Variants in LPP observed in about 807,000 individuals in gnomAD.
The protein encoded by LPP is LIM domain containing preferred translocation partner in lipoma.
Under a neutral mutation model 60.4 loss-of-function variants are expected in LPP, and 38 were observed. The observed-to-expected ratio is 0.63, with a 90% CI of 0.49 to 0.83. LPP has a LOEUF of 0.83. Ranked by LOEUF, LPP falls within the 40% of genes least tolerant of loss-of-function variation. The pLI, the probability that LPP is intolerant of heterozygous loss-of-function variation, is 0.00. For missense variants in LPP, 902 were observed against 783.6 expected (o/e 1.15, Z -1.80); for synonymous variants, 328 against 290.8 (o/e 1.13, Z -1.30).
rs75513613 is a variant in LPP at position 188,779,202 on chromosome 3, C to T, written c.1410+18920C>T. Among the ~76,000 whole-genome samples, 1,452 of 152,036 alleles carry T rather than the reference C, an allele frequency of 9.6e-3. 13 individuals are homozygous for T. Among genetic ancestry groups the T allele is most frequent in the Middle Eastern group, 0.038 (11 of 292 alleles). ...ATTCTTGCAGTTTGGAGTAATTTGCCACCTCCCCTTCTGAAAAAGTACCTG... is the reference window on the plus strand; with the variant it reads ...ATTCTTGCAGTTTGGAGTAATTTGCTACCTCCCCTTCTGAAAAAGTACCTG... On this transcript the variant is annotated intron_variant, in intron 9 of 11. Coordinates refer to ENST00000617246, the MANE Select transcript of LPP (RefSeq NM_001375462.1).
intron 6 of LPP, among the ~76,000 whole-genome samples, chr3:188,528,210 G>A (rs938822096): frequency 2.8e-4 from 43 of 152,044 alleles, no homozygotes; most frequent in African/African-American, 1.0e-3. Context: ...TGTATTTTTA[G>A]TAGAGATGGG....
chr3:188,855,459 T>A (rs925838741), intron 9 of LPP, among the ~76,000 whole-genome samples: 15 of 152,148 alleles, frequency 9.9e-5, no homozygotes, highest in African/African-American at 3.6e-4. Context: ...AGCAACAGGA[T>A]AAAGAGACAG....
At chr3:188,482,819 T>G (rs1212401581) in intron 4 of LPP, among the ~76,000 whole-genome samples, 2 of 152,162 alleles carry the variant, frequency 1.3e-5, no homozygotes, top group Non-Finnish European at 2.9e-5. Flanking sequence ...TTATTGAACA[T>G]TTCTTATCCT....
At position 188,300,428 on chromosome 3, in the gene LPP, T is replaced by G. The variant is rs111669799; in HGVS notation, c.-66-41235T>G. On this transcript the variant is annotated intron_variant, in intron 2 of 11. Transcript: ENST00000617246. The stretch of plus-strand genomic sequence containing the variant: ...CTGCTTACCAAGAAAGGAACTTACT[T>G]TAAAACATGGCAGGCACACTTGGCC... 2.5e-4 allele frequency among the ~76,000 whole-genome samples: 38 copies of G among 151,674 alleles called. 1 individual carries two copies. The highest frequency in any genetic ancestry group is 9.0e-4 in the African/African-American group (37 of 41,240).
At chr3:188,815,469 A>G (rs1193833959) in intron 9 of LPP, among the ~76,000 whole-genome samples, 1 of 152,120 alleles carries the variant, frequency 6.6e-6, no homozygotes, top group Non-Finnish European at 1.5e-5. Context: ...TTAAAATAAT[A>G]TAAGCCTGGG....
At chr3:188,225,835 T>C (rs1717534654) in intron 2 of LPP, among the ~76,000 whole-genome samples, 2 of 152,172 alleles carry the variant, frequency 1.3e-5, no homozygotes, top group African/African-American at 2.4e-5. Context: ...AGCAATTGTA[T>C]TGCCTCCTTC....
At chr3:188,857,088 G>A (rs1440381580) in intron 9 of LPP, among the ~76,000 whole-genome samples, 8 of 152,134 alleles carry the variant, frequency 5.3e-5, no homozygotes, top group Non-Finnish European at 8.8e-5. Flanking sequence ...TGCCATCTGC[G>A]TCCTGGACTT....
chr3:188,421,166 T>G (rs1787697259), intron 4 of LPP, among the ~76,000 whole-genome samples: 1 of 152,204 alleles, frequency 6.6e-6, no homozygotes, highest in South Asian at 2.1e-4. Context: ...GCAACATGCT[T>G]TCTGTTCCTT....
At chr3:188,266,176 C>T (rs893360475) in intron 2 of LPP, among the ~76,000 whole-genome samples, 18 of 152,014 alleles carry the variant, frequency 1.2e-4, no homozygotes, top group Non-Finnish European at 2.1e-4. Context: ...TCACCACCCT[C>T]ACCAGCAGCA....
At chr3:188,573,652 C>A (rs1040570213) in intron 6 of LPP, among the ~76,000 whole-genome samples, 6 of 152,088 alleles carry the variant, frequency 3.9e-5, no homozygotes, top group African/African-American at 1.4e-4. Flanking sequence ...ACACAATTAC[C>A]AATACATTCT....
intron 2 of LPP, among the ~76,000 whole-genome samples, chr3:188,295,735 T>C (rs1399245755): frequency 2.0e-5 from 3 of 152,186 alleles, no homozygotes; most frequent in Non-Finnish European, 2.9e-5. Flanking sequence ...GGTCTTGCTA[T>C]GTCGCCCAGC....
chr3:188,564,192 AG>A (rs1553929830), intron 6 of LPP, among the ~76,000 whole-genome samples: 1 of 152,008 alleles, frequency 6.6e-6, no homozygotes. Flanking sequence ...ATTCTATGAT[AG>A]GAAGGTCCAG....
rs187858111 is a variant in LPP, at chr3:188,839,711, A to T, written c.1411-26489A>T. Among the ~76,000 whole-genome samples the T allele has an allele frequency of 2.3e-3, 340 of 148,408 alleles. 2 individuals are homozygous for T. The highest frequency in any genetic ancestry group is 8.1e-3 in the African/African-American group (330 of 40,520). ...AACATGGTTAAACCTCATCTCTATT[A>T]AAAAAAAAATACAAAAATTAACTGG... On this transcript the variant is annotated intron_variant, in intron 9 of 11. Transcript: ENST00000617246.
At chr3:188,681,053 G>C (rs1004337808) in intron 7 of LPP, among the ~76,000 whole-genome samples, 3 of 147,754 alleles carry the variant, frequency 2.0e-5, no homozygotes, top group Non-Finnish European at 3.0e-5. Flanking sequence ...CTGGAGTGCA[G>C]TGGCATGATC....
chr3:188,254,963 C>T (rs1179376155), intron 2 of LPP, among the ~76,000 whole-genome samples: 1 of 152,118 alleles, frequency 6.6e-6, no homozygotes. Context: ...AATTCTACAC[C>T]CTGACTTACT....
At chr3:188,762,022 G>A (rs574273262) in intron 9 of LPP, among the ~76,000 whole-genome samples, 1 of 151,754 alleles carries the variant, frequency 6.6e-6, no homozygotes, top group Non-Finnish European at 1.5e-5. Context: ...TTTTTTTATA[G>A]CTCCTGTCTA....
intron 4 of LPP, among the ~76,000 whole-genome samples, chr3:188,467,279 CTT>C (rs1321325691): frequency 6.6e-6 from 1 of 151,930 alleles, no homozygotes; most frequent in East Asian, 1.9e-4. Context: ...ATAGAAGTAT[CTT>C]AAATAATATG....
At chr3:188,848,088 T>G (rs1209491891) in intron 9 of LPP, among the ~76,000 whole-genome samples, 1 of 152,200 alleles carries the variant, frequency 6.6e-6, no homozygotes, top group Non-Finnish European at 1.5e-5. Flanking sequence ...TTAGAAATGT[T>G]TATGATTATA....
chr3:188,630,675 TCTGCCATTAAAAG>T (rs1468913452), intron 7 of LPP, among the ~76,000 whole-genome samples: 1 of 152,122 alleles, frequency 6.6e-6, no homozygotes, highest in Non-Finnish European at 1.5e-5. Flanking sequence ...AATTGTGGTT[TCTGCCATTAAAAG>T]TAATGGCAGA....
Sources: gnomAD v4.1 joint callset for allele counts (sites outside exome capture counted in the v4.1 genomes callset) on GRCh38, gnomAD v4.1.1 for gene constraint, MANE v1.5 for transcripts, NCBI Gene and HGNC (gene_info 2026-07-23, HGNC 2026-07-21) for gene names.